The following A2M variants were observed in gnomAD, a reference collection of about 807,000 sequenced individuals.
A2M encodes the protein alpha-2-macroglobulin.
A2M carries 128 observed loss-of-function variants against 183.9 expected under a neutral mutation model. That is an observed-to-expected ratio of 0.70 (90% CI 0.60 to 0.81). The LOEUF (loss-of-function observed/expected upper bound fraction) is 0.81. A2M is among the 30% of genes least tolerant of loss of function. The pLI, the probability that A2M is intolerant of heterozygous loss-of-function variation, is 0.00. For synonymous variants in A2M, 592 were observed against 670.8 expected, an observed-to-expected ratio of 0.88 and a Z score of 1.81; for missense variants, 1,495 against 1,787.6, an observed-to-expected ratio of 0.84 and a Z score of 2.95.
chr12:9,095,583 G>C lies in A2M; in HGVS notation c.1969C>G (p.Pro657Ala), dbSNP rs1565593327. Residue 657 changes from proline (P) to alanine (A), a missense_variant, in exon 16 of 36, where the codon CCA (proline) becomes GCA (alanine). Pro to Ala is a conservative substitution (Grantham distance 27). Transcript: ENST00000318602. Reference sequence around the variant, plus strand: ...TCCTTTTCATTTGTACTTGATACTGGAGTATATGTGATTCCATTAATATAG... The same window carrying C: ...TCCTTTTCATTTGTACTTGATACTGCAGTATATGTGATTCCATTAATATAG... Reference protein sequence around the residue: ...NVYINGITYTPVSSTNEKDMY... With the variant: ...NVYINGITYTAVSSTNEKDMY... 6.2e-7 allele frequency: 1 copy of C among 1,611,852 alleles called. No individual in the cohort carries two copies. The highest frequency in any genetic ancestry group is 1.3e-5 in the African/African-American group (1 of 74,926).
chr12:9,091,385 A>T lies in A2M; in HGVS notation c.2285T>A (p.Ile762Asn). The T allele has an allele frequency of 6.2e-7, 1 of 1,614,196 alleles. No individual in the cohort carries two copies. Among genetic ancestry groups the T allele is most frequent in the Admixed American group, 1.7e-5 (1 of 60,022 alleles). ...GAAGGCCCCTGCCTTCCACTCGGTGATGGTGTCAGGGACTGTTACTCCTAC... is the reference window on the plus strand; with the variant it reads ...GAAGGCCCCTGCCTTCCACTCGGTGTTGGTGTCAGGGACTGTTACTCCTAC... The part of the protein sequence containing the change: ...AEVGVTVPDT[I>N]TEWKAGAFCL... Residue 762 changes from isoleucine (I) to asparagine (N), a missense_variant, in exon 19 of 36, where the codon ATC becomes AAC. By Grantham distance (149) the Ile-to-Asn change is moderately radical. Transcript: ENST00000318602.
intron 17 of A2M, among the ~76,000 whole-genome samples, chr12:9,094,409 T>C (rs1159234799): frequency 4.8e-5 from 7 of 145,586 alleles, no homozygotes; most frequent in South Asian, 4.3e-4. Context: ...TATATCTTAC[T>C]GATAAAGGAT....
At position 9,106,532 on chromosome 12, in the gene A2M, A is replaced by G. The variant is rs1260718342; in HGVS notation, c.953T>C (p.Met318Thr). ...GATCTGGGCCTCAGTGTGAAGTTTC[A>G]TTTCATACTCCTTCCTCTTCAGCTG... ...VFQLKRKEYE[M>T]KLHTEAQIQE... The change falls in exon 9 of 36, where the codon ATG becomes ACG. Residue 318 changes from methionine to threonine, a missense_variant. Coordinates refer to ENST00000318602, the MANE Select transcript of A2M (RefSeq NM_000014.6). 1.9e-6 allele frequency: 3 copies of G among 1,598,942 alleles called. No individual in the cohort carries two copies. The highest frequency in any genetic ancestry group is 2.2e-5 in the East Asian group (1 of 44,652).
At chr12:9,079,160 AGT>A in intron 25 of A2M, 82 bp downstream of exon 25, 2 of 1,012,016 alleles carry the variant, frequency 2.0e-6, no homozygotes, top group Non-Finnish European at 3.0e-6. Context: ...CATATCTGAT[AGT>A]GTTGCTGTGA....
chr12:9,081,635 T>C (rs1202732180), intron 22 of A2M, among the ~76,000 whole-genome samples: 1 of 152,238 alleles, frequency 6.6e-6, no homozygotes, highest in Non-Finnish European at 1.5e-5. Context: ...ACTTTGACCA[T>C]GTCATTGTTC....
Position 9,106,486 on chromosome 12 carries a change from C to T in A2M, c.994+5G>A. The T allele has an allele frequency of 6.4e-7, 1 of 1,574,698 alleles. No individual in the cohort carries two copies. Among genetic ancestry groups the T allele is most frequent in the Admixed American group, 1.8e-5 (1 of 57,108 alleles). On this transcript the variant is annotated splice_donor_5th_base_variant and intron_variant, in intron 9 of 35. Coordinates refer to ENST00000318602, the MANE Select transcript of A2M (RefSeq NM_000014.6). ...TTTTCTCTTATACCCATGTAGTACA[C>T]AAACCTGTTCCTTCTTCTTGGATCT...
chr12:9,086,419 C>T (rs759173231), intron 22 of A2M, among the ~76,000 whole-genome samples: 8 of 152,220 alleles, frequency 5.3e-5, no homozygotes, highest in African/African-American at 1.9e-4. Context: ...CTAAATCCAA[C>T]AATACAGTAA....
chr12:9,089,790 AG>A, intron 21 of A2M, 111 bp downstream of exon 21: 1 of 782,146 alleles, frequency 1.3e-6, no homozygotes, highest in Non-Finnish European at 1.8e-6. Context: ...ATCAAGAGAG[AG>A]ATAGGACAGA....
At chr12:9,106,902 T>A (rs773085593) in intron 8 of A2M, among the ~76,000 whole-genome samples, 1 of 152,328 alleles carries the variant, frequency 6.6e-6, no homozygotes, top group South Asian at 2.1e-4. Context: ...TTTATACATA[T>A]TTATGGGGTA....
intron 10 of A2M, among the ~76,000 whole-genome samples, 176 bp downstream of exon 10, chr12:9,106,060 C>A (rs1257234947): frequency 6.6e-6 from 1 of 152,158 alleles, no homozygotes; most frequent in Non-Finnish European, 1.5e-5. Context: ...AAGAATAAAT[C>A]TATTTTTATG....
At chr12:9,083,754 GAA>G (rs58917708) in intron 22 of A2M, among the ~76,000 whole-genome samples, 29 of 142,508 alleles carry the variant, frequency 2.0e-4, no homozygotes, top group African/African-American at 3.6e-4. Flanking sequence ...TATAGAATCA[GAA>G]AAAAAAAAAA....
At chr12:9,115,988 A>C (rs1262616107), upstream of A2M, 2 of 734,444 alleles carry the variant, frequency 2.7e-6, no homozygotes, top group Non-Finnish European at 4.9e-6. Flanking sequence ...CCCACACAAG[A>C]TCTCTAAACA....
intron 28 of A2M, 118 bp downstream of exon 28, chr12:9,076,638 G>T: frequency 1.2e-6 from 1 of 868,280 alleles, no homozygotes; most frequent in Non-Finnish European, 1.8e-6. Flanking sequence ...AAATATATAT[G>T]ATATATAGAA....
At chr12:9,081,181 A>G (rs1182293616) in intron 22 of A2M, among the ~76,000 whole-genome samples, 2 of 152,232 alleles carry the variant, frequency 1.3e-5, no homozygotes, top group African/African-American at 4.8e-5. Context: ...AAACTACTCA[A>G]AAGACAAATA....
intron 8 of A2M, among the ~76,000 whole-genome samples, 175 bp from the exon 9 acceptor site, chr12:9,106,780 C>T (rs963560073): frequency 6.6e-6 from 1 of 152,120 alleles, no homozygotes; most frequent in African/African-American, 2.4e-5. Flanking sequence ...AACAATATCT[C>T]ATGTATAATT....
At chr12:9,110,427 C>T (rs1788363389) in intron 4 of A2M, 93 bp from the exon 5 acceptor site, 2 of 711,322 alleles carry the variant, frequency 2.8e-6, no homozygotes, top group South Asian at 2.0e-5. Flanking sequence ...GCTAGCATAA[C>T]AGGGTGAGTA....
intron 13 of A2M, 64 bp downstream of exon 13, chr12:9,101,080 T>G (rs1180425567): frequency 6.9e-7 from 1 of 1,439,178 alleles, no homozygotes; most frequent in Non-Finnish European, 9.5e-7. Flanking sequence ...TTCTGATACT[T>G]CCGTGGTGTA....
At chr12:9,113,596 A>C in intron 1 of A2M, 53 bp from the exon 2 acceptor site, 1 of 1,527,374 alleles carries the variant, frequency 6.5e-7, no homozygotes, top group Non-Finnish European at 9.0e-7. Context: ...AGGCATTGCT[A>C]TCAACAGCAC....
Position 9,091,304 on chromosome 12 carries a change from A to G in A2M, c.2366T>C (p.Phe789Ser). The change falls in exon 19 of 36, where the codon TTC becomes TCC. Residue 789 changes from phenylalanine (F) to serine (S), a missense_variant. Phe to Ser is a radical substitution (Grantham distance 155). Coordinates refer to ENST00000318602, the MANE Select transcript of A2M (RefSeq NM_000014.6). Reference sequence around the variant, plus strand: ...TGTGAGCTCCACAAAGAAGGGCTGGAAGGCTCGGAGAGAGGCAGTGGAAGA... The same window carrying G: ...TGTGAGCTCCACAAAGAAGGGCTGGGAGGCTCGGAGAGAGGCAGTGGAAGA... ...GISSTASLRA[F>S]QPFFVELTMP... is the part of the protein sequence containing the mutation. 6.2e-7 allele frequency: 1 copy of G among 1,614,196 alleles called. No homozygotes were observed. The highest frequency in any genetic ancestry group is 8.5e-7 in the Non-Finnish European group (1 of 1,180,042).
Sources: gnomAD v4.1 joint callset for allele counts (sites outside exome capture counted in the v4.1 genomes callset) on GRCh38, gnomAD v4.1.1 for gene constraint, MANE v1.5 for transcripts, NCBI Gene and HGNC (gene_info 2026-07-23, HGNC 2026-07-21) for gene names.